RBPMS: variants seen among roughly 807,000 people sequenced by gnomAD.
RBPMS encodes RNA-binding protein with multiple splicing.
A neutral mutation model predicts 26.8 loss-of-function variants in RBPMS; 7 were observed. The observed-to-expected ratio is 0.26, with a 90% CI of 0.15 to 0.49. The LOEUF is 0.49. RBPMS is among the 20% of genes least tolerant of loss of function. RBPMS has a pLI of 0.98. For synonymous variants in RBPMS, 96 were observed against 93.3 expected (o/e 1.03, Z -0.17); for missense variants, 186 against 250.0 (o/e 0.74, Z 1.73).
chr8:30,427,374 C>G (rs1811471754), intron 1 of RBPMS, among the ~76,000 whole-genome samples: 1 of 152,176 alleles, frequency 6.6e-6, no homozygotes, highest in Admixed American at 6.5e-5. Context: ...GTGCTGTCCC[C>G]TCCCTGTCTC....
intron 1 of RBPMS, among the ~76,000 whole-genome samples, chr8:30,424,895 GCA>G (rs532908439): frequency 8.6e-4 from 131 of 151,930 alleles, no homozygotes; most frequent in Non-Finnish European, 1.7e-3. Flanking sequence ...GTACACGCGC[GCA>G]CACACACACA....
intron 6 of RBPMS, among the ~76,000 whole-genome samples, chr8:30,549,793 T>TCTCTCTCTCTCTCTCTCTCCCTCC (rs1464873852): frequency 9.1e-6 from 1 of 109,366 alleles, no homozygotes; most frequent in African/African-American, 4.1e-5. Context: ...TCTCTCTCTC[T>TCTCTCTCTCTCTCTCTCTCCCTCC]CTCCCCTCTC....
Position 30,555,475 on chromosome 8 carries a change from T to C in RBPMS, c.529-3412T>C, listed in dbSNP as rs182836479. 8.8e-4 allele frequency among the ~76,000 whole-genome samples: 134 copies of C among 152,270 alleles called. 2 individuals carry two copies. Among genetic ancestry groups the C allele is most frequent in the Admixed American group, 8.4e-3 (128 of 15,290 alleles). On this transcript the variant is annotated intron_variant, in intron 6 of 8. Transcript: ENST00000397323. Reference sequence around the variant, plus strand: ...GTCAGGGTCAGTTTGGTTAAGTATATTGTGTTAAAGTTTCTCACAGGGTCT... The same window carrying C: ...GTCAGGGTCAGTTTGGTTAAGTATACTGTGTTAAAGTTTCTCACAGGGTCT...
intron 1 of RBPMS, among the ~76,000 whole-genome samples, chr8:30,449,949 G>A (rs1454468726): frequency 5.3e-5 from 8 of 152,190 alleles, no homozygotes; most frequent in Admixed American, 5.2e-4. Flanking sequence ...TTTACTTTTA[G>A]TTACACTTCA....
chr8:30,444,628 ATAAG>A (rs1241244082), intron 1 of RBPMS: 13 of 152,222 alleles, frequency 8.5e-5, no homozygotes, highest in Non-Finnish European at 1.8e-4. Flanking sequence ...GAAGGCCTAC[ATAAG>A]TATCTGTGTG....
intron 1 of RBPMS, among the ~76,000 whole-genome samples, chr8:30,444,181 C>G (rs1813465891): frequency 6.6e-6 from 1 of 152,206 alleles, no homozygotes; most frequent in African/African-American, 2.4e-5. Context: ...CAGGTGTGAG[C>G]CACCACACCC....
chr8:30,530,489 T>C (rs1217629196), intron 5 of RBPMS, among the ~76,000 whole-genome samples: 2 of 151,878 alleles, frequency 1.3e-5, no homozygotes, highest in Non-Finnish European at 1.5e-5. Context: ...TGAGATGGAG[T>C]TTCGCTCTTG....
chr8:30,501,608 T>C (rs1273719676), intron 4 of RBPMS, among the ~76,000 whole-genome samples: 1 of 152,200 alleles, frequency 6.6e-6, no homozygotes, highest in Non-Finnish European at 1.5e-5. Context: ...CAAATTAATA[T>C]ACTAATATTC....
rs142321743 is a variant in RBPMS at position 30,542,339 on chromosome 8, C to G, written c.398-2155C>G. 2.1e-4 allele frequency among the ~76,000 whole-genome samples: 32 copies of G among 152,348 alleles called. No individual in the cohort carries two copies. The East Asian group carries it at 6.0e-3, about 28-fold the overall frequency. On this transcript the variant is annotated intron_variant, in intron 5 of 8. Coordinates refer to ENST00000397323, the MANE Select transcript of RBPMS (RefSeq NM_001008710.3). ...ATAAATTCCAGCAGTCAGGCTGACA[C>G]TGAAATCTGATTCCAGCTTATCTCT...
rs1250299283 is a variant in RBPMS, at chr8:30,504,486, C to G, written c.397+50C>G. The G allele has an allele frequency of 1.9e-6, 3 of 1,554,122 alleles. No homozygotes were observed. The East Asian group carries it at 6.8e-5, about 35-fold the overall frequency. ...AAAGTAATAATAACTAAGAACTGTT[C>G]ATGTGCTGCATGTGAGGTTACACCA... On this transcript the variant is annotated intron_variant, in intron 5 of 8. Transcript: ENST00000397323.
intron 5 of RBPMS, among the ~76,000 whole-genome samples, chr8:30,507,236 C>A (rs574825216): frequency 6.6e-6 from 1 of 152,054 alleles, no homozygotes; most frequent in Non-Finnish European, 1.5e-5. Context: ...AGCTTTGTGA[C>A]CTTTAAGAGA....
chr8:30,390,581 T>C (rs1300646525), intron 1 of RBPMS, among the ~76,000 whole-genome samples: 3 of 152,214 alleles, frequency 2.0e-5, no homozygotes, highest in Admixed American at 2.0e-4. Flanking sequence ...TTCTGTTCTC[T>C]TGATCTAGTC....
chr8:30,393,796 G>A (rs2150553503), intron 1 of RBPMS, among the ~76,000 whole-genome samples: 1 of 151,926 alleles, frequency 6.6e-6, no homozygotes, highest in South Asian at 2.1e-4. Flanking sequence ...TGGGATTACA[G>A]GCATGAGCCA....
rs1369001284 is a variant in RBPMS, at chr8:30,384,632, TTCCTCC to T, written c.-449_-444del. The T allele has an allele frequency of 3.2e-5, 5 of 157,228 alleles. No individual in the cohort carries two copies. Among genetic ancestry groups the T allele is most frequent in the Non-Finnish European group, 6.9e-5 (5 of 72,670 alleles). 9.7% of individuals were successfully genotyped at this position (157,228 alleles called of 1,614,324 possible). A position where few individuals can be genotyped will look rare whatever the true frequency, so the allele number is the denominator to read the frequency against. On this transcript the variant is annotated 5_prime_UTR_variant, in exon 1 of 9. Coordinates refer to ENST00000397323, the MANE Select transcript of RBPMS (RefSeq NM_001008710.3). The surrounding 1 kb of genome is among the most constrained non-coding windows in gnomAD (Gnocchi z 5.6). ...CTCCGCCCCGCTCCTCCTCCTCCTC[TTCCTCC>T]TCCTCCTCCTCTCTAGGCACCCCCG... is the stretch of plus-strand genomic sequence containing the variant.
At chr8:30,466,489 T>A (rs967042437) in intron 1 of RBPMS, among the ~76,000 whole-genome samples, 1 of 152,114 alleles carries the variant, frequency 6.6e-6, no homozygotes, top group African/African-American at 2.4e-5. Flanking sequence ...TAGGCTGCAG[T>A]GAGCTATGAT....
At chr8:30,500,215 C>T (rs1208635027) in intron 4 of RBPMS, among the ~76,000 whole-genome samples, 1 of 152,116 alleles carries the variant, frequency 6.6e-6, no homozygotes, top group African/African-American at 2.4e-5. Context: ...ACTAAGTTGT[C>T]TGCTATTATT....
chr8:30,469,239 T>C (rs2150809182), intron 1 of RBPMS, among the ~76,000 whole-genome samples: 1 of 152,374 alleles, frequency 6.6e-6, no homozygotes, highest in East Asian at 1.9e-4. Context: ...CAAGGCCTGC[T>C]TTTGGCCTTT....
At chr8:30,545,492 T>C in intron 6 of RBPMS, 2 of 961,860 alleles carry the variant, frequency 2.1e-6, no homozygotes, top group Non-Finnish European at 2.5e-6. Flanking sequence ...CATTTGTCTT[T>C]CTGCATGTGT....
chr8:30,421,240 C>T (rs749396513), intron 1 of RBPMS, among the ~76,000 whole-genome samples: 2 of 152,044 alleles, frequency 1.3e-5, no homozygotes, highest in Admixed American at 6.6e-5. Context: ...AACCTGATAG[C>T]ATCTAGGGTG....
Sources: gnomAD v4.1 joint callset for allele counts (sites outside exome capture counted in the v4.1 genomes callset) on GRCh38, gnomAD v4.1.1 for gene constraint, Gnocchi (gnomAD v3.1) non-coding constraint, MANE v1.5 for transcripts, NCBI Gene and HGNC (gene_info 2026-07-23, HGNC 2026-07-21) for gene names.